NSD3: variants seen among roughly 807,000 people sequenced by gnomAD.
NSD3 encodes the protein nuclear receptor binding SET domain protein 3.
Under a neutral mutation model 160.8 loss-of-function variants are expected in NSD3, and 24 were observed. The ratio of observed to expected loss-of-function variants is 0.15; its 90% CI spans 0.11 to 0.21. The LOEUF (loss-of-function observed/expected upper bound fraction) is 0.21, where lower values mean the gene tolerates loss of function less well. NSD3 is among the 10% of genes least tolerant of loss of function. The pLI, the probability that NSD3 is intolerant of heterozygous loss-of-function variation, is 1.00. For synonymous variants in NSD3, 520 were observed against 600.0 expected, an observed-to-expected ratio of 0.87 and a Z score of 1.95; for missense variants, 1,157 against 1,735.9, an observed-to-expected ratio of 0.67 and a Z score of 5.93.
chr8:38,328,393 C>T (rs2150374906), intron 6 of NSD3, among the ~76,000 whole-genome samples: 1 of 152,176 alleles, frequency 6.6e-6, no homozygotes, highest in South Asian at 2.1e-4. Flanking sequence ...TACTCATTTG[C>T]TATTTGAAAG....
At chr8:38,373,073 A>G (rs923684190) in intron 1 of NSD3, among the ~76,000 whole-genome samples, 3 of 151,882 alleles carry the variant, frequency 2.0e-5, no homozygotes, top group Non-Finnish European at 4.4e-5. Flanking sequence ...AGAAAGAAAG[A>G]AAAAAAGAAA....
At chr8:38,356,895 G>C (rs1810837375) in intron 1 of NSD3, among the ~76,000 whole-genome samples, 1 of 151,678 alleles carries the variant, frequency 6.6e-6, no homozygotes, top group African/African-American at 2.4e-5. Context: ...GAGGTGGGTA[G>C]ATCAACTGAG....
Position 38,326,852 on chromosome 8 carries a change from A to G in NSD3, c.1586T>C (p.Ile529Thr), listed in dbSNP as rs974604728. ...IDQFVYSTKG[I>T]GNKTEISVRG... is the part of the protein sequence containing the mutation. ...GACACTTATTTCTGTTTTGTTACCA[A>G]TTCCCTTTAAAATAAGGCAAAAGAA... is the stretch of plus-strand genomic sequence containing the variant. Residue 529 changes from isoleucine (I) to threonine (T), a missense_variant, in exon 7 of 24, where the codon ATT (isoleucine) becomes ACT (threonine). This residue lies in a region of NSD3 where 102 missense variants were observed against 126.5 expected (regional missense o/e 0.81). Transcript: ENST00000317025. The G allele has an allele frequency of 1.2e-6, 2 of 1,613,560 alleles. No homozygotes were observed. Among genetic ancestry groups the G allele is most frequent in the African/African-American group, 1.3e-5 (1 of 75,004 alleles).
intron 1 of NSD3, among the ~76,000 whole-genome samples, chr8:38,361,417 C>T (rs933023944): frequency 2.0e-5 from 3 of 152,032 alleles, no homozygotes; most frequent in African/African-American, 7.2e-5. Flanking sequence ...GGCACTGCTC[C>T]CGGCCAGAAA....
intron 2 of NSD3, among the ~76,000 whole-genome samples, chr8:38,340,304 A>T (rs1810330570): frequency 6.6e-6 from 1 of 152,180 alleles, no homozygotes; most frequent in South Asian, 2.1e-4. Context: ...TGTTGTGAAA[A>T]CAAAGTTTTA....
At position 38,281,517 on chromosome 8, in the gene NSD3, G is replaced by A; in HGVS notation, c.3568C>T (p.Arg1190Ter). Residue 1190 changes from arginine (R) to a stop codon, truncating the protein, a stop_gained, in exon 20 of 24, where the codon CGA becomes TGA. Coordinates refer to ENST00000317025, the MANE Select transcript of NSD3 (RefSeq NM_023034.2). LOFTEE classifies it high-confidence loss of function. ...DEEECRLRIK[R>*]AHENSVTNFY... ...TTAGTTACACTGTTCTCGTGGGCTC[G>A]CTTGATTCGCAATCTGCATTCTTCT... 1.9e-6 allele frequency: 3 copies of A among 1,602,982 alleles called. No individual in the cohort carries two copies. The highest frequency in any genetic ancestry group is 1.1e-5 in the South Asian group (1 of 89,268).
chr8:38,307,259 A>G (rs1041292871), intron 12 of NSD3, among the ~76,000 whole-genome samples: 5 of 152,096 alleles, frequency 3.3e-5, no homozygotes, highest in African/African-American at 1.2e-4. Flanking sequence ...ATCTTGGCTC[A>G]CTGCAACCTT....
At chr8:38,337,281 G>T (rs1359854294) in intron 4 of NSD3, 24 bp downstream of exon 4, 7 of 1,558,116 alleles carry the variant, frequency 4.5e-6, no homozygotes, top group Non-Finnish European at 6.1e-6. Flanking sequence ...CTTTTACTTA[G>T]TATCTGTTTA....
chr8:38,288,049 T>C lies in NSD3; in HGVS notation c.3501+438A>G, dbSNP rs1808908285. On this transcript the variant is annotated intron_variant, in intron 19 of 23. Transcript: ENST00000317025. The surrounding 1 kb of genome is among the most constrained non-coding windows in gnomAD (Gnocchi z 4.5). ...AGGAGTTTGAGACCAGCCTGGGCAA[T>C]GTAGTGAGACCCTATCCAGCTACTC... Among the ~76,000 whole-genome samples, 1 of 151,910 alleles carries C rather than the reference T, an allele frequency of 6.6e-6. No homozygotes were observed. The highest frequency in any genetic ancestry group is 2.1e-4 in the South Asian group (1 of 4,822).
intron 1 of NSD3, among the ~76,000 whole-genome samples, chr8:38,371,869 T>G (rs932066749): frequency 2.6e-5 from 4 of 152,246 alleles, no homozygotes; most frequent in African/African-American, 9.6e-5. Context: ...CAAATTTTTC[T>G]GCTATCCTAA....
intron 19 of NSD3, among the ~76,000 whole-genome samples, chr8:38,285,052 T>A (rs763113588): frequency 1.7e-4 from 26 of 152,132 alleles, no homozygotes; most frequent in Non-Finnish European, 5.9e-5. Context: ...TGTAACAAAT[T>A]CATTAACTTA....
intron 16 of NSD3, chr8:38,290,882 C>A: frequency 2.2e-6 from 1 of 456,634 alleles, no homozygotes; most frequent in Non-Finnish European, 3.9e-6. Context: ...AACACCTGAT[C>A]TACTTTCTTT....
chr8:38,296,602 C>G (rs1809151093), intron 15 of NSD3, among the ~76,000 whole-genome samples: 1 of 151,984 alleles, frequency 6.6e-6, no homozygotes, highest in Non-Finnish European at 1.5e-5. Flanking sequence ...CCTTTTCCCT[C>G]CTCATGAACC....
At chr8:38,298,534 G>A (rs968362262) in intron 15 of NSD3, among the ~76,000 whole-genome samples, 4 of 151,482 alleles carry the variant, frequency 2.6e-5, no homozygotes, top group African/African-American at 9.7e-5. Flanking sequence ...CACCTACTGT[G>A]TGTGTGTGTG....
intron 11 of NSD3, 68 bp downstream of exon 11, chr8:38,315,348 A>G (rs921346382): frequency 8.3e-6 from 12 of 1,453,632 alleles, no homozygotes; most frequent in Non-Finnish European, 8.2e-6. Context: ...CTTCAACAGG[A>G]GTTAAGTCTA....
intron 16 of NSD3, among the ~76,000 whole-genome samples, 192 bp downstream of exon 16, chr8:38,295,604 T>A (rs1318523238): frequency 6.6e-6 from 1 of 151,340 alleles, no homozygotes; most frequent in Non-Finnish European, 1.5e-5. Context: ...AGAAATTCAA[T>A]AATGAATTAG....
chr8:38,308,833 G>T (rs965890994), intron 12 of NSD3, among the ~76,000 whole-genome samples: 1 of 151,742 alleles, frequency 6.6e-6, no homozygotes, highest in Non-Finnish European at 1.5e-5. Context: ...TATAAAATAA[G>T]CCTTCATTTA....
At chr8:38,344,571 A>G (rs928442314) in intron 2 of NSD3, among the ~76,000 whole-genome samples, 3 of 152,040 alleles carry the variant, frequency 2.0e-5, no homozygotes, top group Non-Finnish European at 4.4e-5. Context: ...CCATGCCCGG[A>G]CTTAAACATG....
intron 14 of NSD3, among the ~76,000 whole-genome samples, chr8:38,303,001 T>G (rs1809311498): frequency 6.6e-6 from 1 of 152,234 alleles, no homozygotes; most frequent in Non-Finnish European, 1.5e-5. Context: ...TATTAATTAA[T>G]CTACTGATGG....
Sources: allele counts gnomAD v4.1 joint callset (sites outside exome capture counted in the v4.1 genomes callset), GRCh38; gene constraint gnomAD v4.1.1; regional missense constraint gnomAD v4.1.1; non-coding constraint Gnocchi (gnomAD v3.1); transcripts MANE v1.5; gene names NCBI Gene and HGNC (gene_info 2026-07-23, HGNC 2026-07-21).